ONECUT1: variants seen among roughly 807,000 people sequenced by gnomAD.
ONECUT1 encodes the protein hepatocyte nuclear factor 6.
A neutral mutation model predicts 25.6 loss-of-function variants in ONECUT1; 12 were observed. The observed-to-expected ratio is 0.47, with a 90% CI of 0.30 to 0.76. ONECUT1 has a LOEUF of 0.76. ONECUT1 is among the 30% of genes least tolerant of loss of function. The probability of loss-of-function intolerance (pLI) is 0.07; values close to 1 mark genes in which losing one functional copy is unlikely to be tolerated. For synonymous variants in ONECUT1, 285 were observed against 270.2 expected (o/e 1.05, Z -0.54); for missense variants, 620 against 651.2 (o/e 0.95, Z 0.52).
intron 1 of ONECUT1, among the ~76,000 whole-genome samples, chr15:52,774,020 T>A (rs1251056611): frequency 6.6e-6 from 1 of 152,176 alleles, no homozygotes; most frequent in Non-Finnish European, 1.5e-5. Flanking sequence ...TTCTTTTATG[T>A]GTTTTCAAAT....
intron 1 of ONECUT1, among the ~76,000 whole-genome samples, chr15:52,761,849 G>C (rs2083707816): frequency 6.6e-6 from 1 of 152,178 alleles, no homozygotes. Context: ...ATTAGGAAAT[G>C]CAGATGGAGA....
intron 1 of ONECUT1, among the ~76,000 whole-genome samples, chr15:52,763,862 A>G (rs778102039): frequency 6.6e-5 from 10 of 152,208 alleles, no homozygotes; most frequent in Admixed American, 2.0e-4. Flanking sequence ...TTGCTGCAAC[A>G]TTCAAATGTG....
At chr15:52,763,971 T>C (rs1336202036) in intron 1 of ONECUT1, among the ~76,000 whole-genome samples, 1 of 152,234 alleles carries the variant, frequency 6.6e-6, no homozygotes, top group Non-Finnish European at 1.5e-5. Context: ...AGTCCTTCAC[T>C]ACCTAGAGTT....
intron 1 of ONECUT1, among the ~76,000 whole-genome samples, chr15:52,773,551 CCT>C (rs1410374411): frequency 6.6e-5 from 10 of 152,166 alleles, no homozygotes; most frequent in Admixed American, 5.9e-4. Flanking sequence ...CAAAAGTCAC[CCT>C]AAAGCCATGA....
intron 1 of ONECUT1, among the ~76,000 whole-genome samples, chr15:52,779,400 T>TA (rs922878187): frequency 4.1e-4 from 61 of 149,680 alleles, no homozygotes; most frequent in African/African-American, 6.4e-4. Flanking sequence ...CCAGTTTATT[T>TA]AAAAAAAAAA....
chr15:52,779,612 T>A (rs2083826939), intron 1 of ONECUT1, among the ~76,000 whole-genome samples: 1 of 152,148 alleles, frequency 6.6e-6, no homozygotes, highest in Admixed American at 6.5e-5. Flanking sequence ...TCATTCCCCA[T>A]ACCCACCAGG....
chr15:52,766,395 G>A (rs1205340202), intron 1 of ONECUT1, among the ~76,000 whole-genome samples: 2 of 152,124 alleles, frequency 1.3e-5, no homozygotes, highest in Admixed American at 6.5e-5. Flanking sequence ...ATGGTGAAAT[G>A]GGGGCAAGAG....
intron 1 of ONECUT1, among the ~76,000 whole-genome samples, chr15:52,760,794 G>T (rs2083701501): frequency 6.6e-6 from 1 of 152,128 alleles, no homozygotes; most frequent in African/African-American, 2.4e-5. Context: ...GCATGAGTAA[G>T]GGTGTAGTGT....
intron 1 of ONECUT1, chr15:52,786,991 T>A (rs1260230469): frequency 6.6e-6 from 1 of 152,322 alleles, no homozygotes; most frequent in Admixed American, 6.5e-5. Context: ...GGTGTGGGTG[T>A]GTGAAAAGGC....
intron 1 of ONECUT1, among the ~76,000 whole-genome samples, chr15:52,777,585 G>A (rs1193063498): frequency 2.0e-5 from 3 of 152,024 alleles, no homozygotes; most frequent in Non-Finnish European, 4.4e-5. Flanking sequence ...CACGCATGCT[G>A]TTGTTCCCTC....
At chr15:52,769,914 G>C (rs1034675786) in intron 1 of ONECUT1, among the ~76,000 whole-genome samples, 1 of 152,184 alleles carries the variant, frequency 6.6e-6, no homozygotes, top group African/African-American at 2.4e-5. Flanking sequence ...CTGTGTGGTA[G>C]AAACCTTAAC....
intron 1 of ONECUT1, among the ~76,000 whole-genome samples, chr15:52,770,233 A>G (rs1314098957): frequency 6.6e-6 from 1 of 152,200 alleles, no homozygotes; most frequent in East Asian, 1.9e-4. Context: ...CCACTGAGAA[A>G]CTTTAAAAGC....
chr15:52,775,841 A>G (rs780952434), intron 1 of ONECUT1, among the ~76,000 whole-genome samples: 8 of 152,208 alleles, frequency 5.3e-5, no homozygotes, highest in Non-Finnish European at 7.4e-5. Flanking sequence ...TCAAACCAAG[A>G]CTTTCCAACA....
At chr15:52,780,888 T>C (rs2141460857) in intron 1 of ONECUT1, 1 of 1,327,658 alleles carries the variant, frequency 7.5e-7, no homozygotes, top group Non-Finnish European at 9.6e-7. Flanking sequence ...GAATATCCCG[T>C]GGCGGCATAT....
intron 1 of ONECUT1, among the ~76,000 whole-genome samples, chr15:52,787,442 T>C (rs1413650439): frequency 1.3e-5 from 2 of 152,084 alleles, no homozygotes; most frequent in Admixed American, 6.5e-5. Flanking sequence ...GGCTTTGGCC[T>C]CACGCTTTGA....
rs959833462 is a variant in ONECUT1 at position 52,784,915 on chromosome 15, C to T, written c.1105+3865G>A. On this transcript the variant is annotated intron_variant, in intron 1 of 1. Coordinates refer to ENST00000305901, the MANE Select transcript of ONECUT1 (RefSeq NM_004498.4). The surrounding 1 kb of genome is among the most constrained non-coding windows in gnomAD (Gnocchi z 5.0). ...CTCGCCCCGGGCTCAGAGGCGGACACGGTCGGTCGCGCCCTGCTGGCCCTT... is the reference window on the plus strand; with the variant it reads ...CTCGCCCCGGGCTCAGAGGCGGACATGGTCGGTCGCGCCCTGCTGGCCCTT... 3.9e-5 allele frequency among the ~76,000 whole-genome samples: 6 copies of T among 152,334 alleles called. No homozygotes were observed. Among genetic ancestry groups the T allele is most frequent in the Admixed American group, 1.3e-4 (2 of 15,308 alleles).
At chr15:52,779,247 C>T (rs2083824078) in intron 1 of ONECUT1, among the ~76,000 whole-genome samples, 2 of 151,818 alleles carry the variant, frequency 1.3e-5, no homozygotes, top group African/African-American at 2.4e-5. Flanking sequence ...CCACACCCGG[C>T]TAATATTTTT....
chr15:52,771,436 AGTGTGTGTGT>A (rs60500029), intron 1 of ONECUT1, among the ~76,000 whole-genome samples: 12 of 144,868 alleles, frequency 8.3e-5, no homozygotes, highest in East Asian at 6.0e-4. Context: ...ATAAAAAGCA[AGTGTGTGTGT>A]GTGTGTGTGT....
At chr15:52,762,319 G>A (rs898809334) in intron 1 of ONECUT1, among the ~76,000 whole-genome samples, 3 of 152,178 alleles carry the variant, frequency 2.0e-5, no homozygotes, top group African/African-American at 2.4e-5. Flanking sequence ...AAGATGGTTT[G>A]CAGATTAAGG....
Sources: gnomAD v4.1 joint callset for allele counts (sites outside exome capture counted in the v4.1 genomes callset) on GRCh38, gnomAD v4.1.1 for gene constraint, Gnocchi (gnomAD v3.1) non-coding constraint, MANE v1.5 for transcripts, NCBI Gene and HGNC (gene_info 2026-07-23, HGNC 2026-07-21) for gene names.